Variants in BBIP1 observed in about 807,000 individuals in gnomAD.
BBIP1 encodes the protein BBSome-interacting protein 1.
A neutral mutation model predicts 8.9 loss-of-function variants in BBIP1; 6 were observed. The observed-to-expected ratio is 0.67, with a 90% CI of 0.37 to 1.33. The LOEUF is 1.33. Ranked by LOEUF, BBIP1 falls within the 40% of genes most tolerant of loss-of-function variation. The pLI, the probability that BBIP1 is intolerant of heterozygous loss-of-function variation, is 0.02. For synonymous variants in BBIP1, 32 were observed against 33.4 expected (o/e 0.96, Z 0.14); for missense variants, 111 against 109.2 (o/e 1.02, Z -0.07).
At chr10:110,909,890 T>C (rs1243066243) in intron 2 of BBIP1, among the ~76,000 whole-genome samples, 2 of 152,236 alleles carry the variant, frequency 1.3e-5, no homozygotes, top group Admixed American at 6.5e-5. Context: ...ACAGATTTTT[T>C]CTTTCAACAA....
At chr10:110,907,924 AG>A (rs1846185656) in intron 2 of BBIP1, 1 of 592,318 alleles carries the variant, frequency 1.7e-6, no homozygotes, top group East Asian at 2.8e-5. Context: ...CATTTCAAAC[AG>A]GGGAGTTGAG....
At chr10:110,914,138 T>C (rs1207464622) in intron 2 of BBIP1, among the ~76,000 whole-genome samples, 2 of 152,170 alleles carry the variant, frequency 1.3e-5, no homozygotes, top group Non-Finnish European at 2.9e-5. Flanking sequence ...CAGTAAAACA[T>C]ATGCCAAGCT....
intron 3 of BBIP1, chr10:110,901,249 C>A: frequency 4.8e-6 from 2 of 414,110 alleles, no homozygotes; most frequent in Non-Finnish European, 4.5e-6. Flanking sequence ...CAGCTGTACC[C>A]AAGCCTGGGT....
At chr10:110,905,201 A>C (rs1205439334) in intron 2 of BBIP1, among the ~76,000 whole-genome samples, 9 of 152,224 alleles carry the variant, frequency 5.9e-5, no homozygotes, top group Non-Finnish European at 1.0e-4. Flanking sequence ...TAGGAGTGAG[A>C]GTTAAAACGC....
At chr10:110,901,517 C>A in intron 3 of BBIP1, 21 bp downstream of exon 3, 1 of 1,504,048 alleles carries the variant, frequency 6.6e-7, no homozygotes, top group Non-Finnish European at 8.9e-7. Context: ...TCAATGACCT[C>A]AATATTTGTG....
At chr10:110,914,251 T>C (rs983931943) in intron 2 of BBIP1, among the ~76,000 whole-genome samples, 1 of 151,992 alleles carries the variant, frequency 6.6e-6, no homozygotes, top group African/African-American at 2.4e-5. Flanking sequence ...AAAGGATACT[T>C]TATGTAAAGA....
intron 2 of BBIP1, among the ~76,000 whole-genome samples, chr10:110,917,618 C>T (rs941553876): frequency 1.3e-5 from 2 of 152,116 alleles, no homozygotes; most frequent in Non-Finnish European, 2.9e-5. Context: ...GAGTAGCAGG[C>T]GCTCAGCTGA....
At chr10:110,911,488 G>A (rs1846274547) in intron 2 of BBIP1, 1 of 151,960 alleles carries the variant, frequency 6.6e-6, no homozygotes, top group Admixed American at 6.6e-5. Context: ...CAACTAAGTA[G>A]ATATTTTAAG....
At chr10:110,915,189 C>T (rs1270961601) in intron 2 of BBIP1, among the ~76,000 whole-genome samples, 1 of 152,112 alleles carries the variant, frequency 6.6e-6, no homozygotes, top group Non-Finnish European at 1.5e-5. Flanking sequence ...CAGGGTCTCG[C>T]TCTGTTGCTC....
chr10:110,907,744 TAAAGGA>T, intron 2 of BBIP1: 1 of 702,464 alleles, frequency 1.4e-6, no homozygotes. Flanking sequence ...AATCCTGGTA[TAAAGGA>T]TGGTGATTGA....
rs1304743483 is a variant in BBIP1, at chr10:110,898,964, A to AC, written c.*1395dup. ...TATCACTTTACTCCATTGTTATCTG[A>AC]CCTAGAGCTTAATTAAGTTTTAGAA... On this transcript the variant is annotated 3_prime_UTR_variant, in exon 4 of 4. Transcript: ENST00000448814. 1 of 151,694 alleles carries AC rather than the reference A, an allele frequency of 6.6e-6. No homozygotes were observed. The highest frequency in any genetic ancestry group is 2.4e-5 in the African/African-American group (1 of 41,210). The allele number at this position is 151,694 out of a possible 1,614,324, so 9.4% of individuals were successfully genotyped here. A position where few individuals can be genotyped will look rare whatever the true frequency, so the allele number is the denominator to read the frequency against.
At chr10:110,905,279 G>A (rs1023950814) in intron 2 of BBIP1, among the ~76,000 whole-genome samples, 51 of 152,064 alleles carry the variant, frequency 3.4e-4, no homozygotes, top group African/African-American at 1.2e-3. Flanking sequence ...TCCCTGGTGT[G>A]GGGGCTGGGC....
chr10:110,916,918 T>C (rs1416591095), intron 2 of BBIP1, among the ~76,000 whole-genome samples: 3 of 152,172 alleles, frequency 2.0e-5, no homozygotes, highest in Non-Finnish European at 4.4e-5. Context: ...AGAAGTGAGA[T>C]GGATTTAACC....
At chr10:110,901,972 T>C (rs1399370070) in intron 2 of BBIP1, 1 of 173,246 alleles carries the variant, frequency 5.8e-6, no homozygotes, top group Admixed American at 5.8e-5. Context: ...CTCCCCTGAA[T>C]GGTGGGTGAC....
rs1265952598 is a variant in BBIP1, at chr10:110,900,381, A to T, written c.258T>A (p.Asp86Glu). The T allele has an allele frequency of 6.5e-7, 1 of 1,534,892 alleles. No homozygotes were observed. Among genetic ancestry groups the T allele is most frequent in the East Asian group, 2.4e-5 (1 of 40,886 alleles). ...TIRQQEMAEK[D>E]QRQITH ...TCATTCAGTGGGTTATTTGCCGTTG[A>T]TCCTTTTCTGCCATTTCTTGTTGGC... is the stretch of plus-strand genomic sequence containing the variant. The change falls in exon 4 of 4, where the codon GAT becomes GAA. Residue 86 changes from aspartate (D) to glutamate (E), a missense_variant. Physicochemically the swap from Asp to Glu is conservative, Grantham distance 45. Coordinates refer to ENST00000448814, the MANE Select transcript of BBIP1 (RefSeq NM_001195305.3).
chr10:110,912,161 T>TTC (rs1260605854), intron 2 of BBIP1: 2 of 150,216 alleles, frequency 1.3e-5, no homozygotes, highest in Admixed American at 1.3e-4. Context: ...TTCTTTTCTT[T>TTC]TTTTTTTTTT....
intron 2 of BBIP1, among the ~76,000 whole-genome samples, chr10:110,916,891 GA>G (rs945157732): frequency 6.6e-6 from 1 of 152,202 alleles, no homozygotes; most frequent in Admixed American, 6.5e-5. Context: ...GGACACTGGA[GA>G]GGGGTAAGCA....
intron 2 of BBIP1, chr10:110,911,646 T>C (rs1846279340): frequency 6.6e-6 from 1 of 151,732 alleles, no homozygotes; most frequent in South Asian, 2.1e-4. Flanking sequence ...ATATATTGGG[T>C]ACACATATAT....
Sources: allele counts gnomAD v4.1 joint callset (sites outside exome capture counted in the v4.1 genomes callset), GRCh38; gene constraint gnomAD v4.1.1; transcripts MANE v1.5; gene names NCBI Gene and HGNC (gene_info 2026-07-23, HGNC 2026-07-21).